PAX7: variants seen among roughly 807,000 people sequenced by gnomAD.
PAX7 encodes paired box protein Pax-7.
In PAX7, 18 loss-of-function variants were observed where a neutral mutation model predicts 50.7. The observed-to-expected ratio is 0.36, with a 90% CI of 0.25 to 0.53. The LOEUF (loss-of-function observed/expected upper bound fraction) is 0.53. PAX7 is among the 20% of genes least tolerant of loss of function. The pLI is 0.93. For synonymous variants in PAX7, 310 were observed against 290.4 expected (o/e 1.07, Z -0.69); for missense variants, 644 against 702.9 (o/e 0.92, Z 0.95).
At chr1:18,676,999 C>T (rs1415401616) in intron 4 of PAX7, among the ~76,000 whole-genome samples, 2 of 152,218 alleles carry the variant, frequency 1.3e-5, no homozygotes, top group Non-Finnish European at 2.9e-5. Flanking sequence ...CAAGCCCCCT[C>T]GTCTTTACAG....
At chr1:18,643,514 G>C (rs968939714) in intron 4 of PAX7, among the ~76,000 whole-genome samples, 2 of 152,242 alleles carry the variant, frequency 1.3e-5, no homozygotes, top group African/African-American at 4.8e-5. Flanking sequence ...GCGCCGAGCA[G>C]CAGGAAGAAA....
chr1:18,670,286 T>C (rs938773687), intron 4 of PAX7, among the ~76,000 whole-genome samples: 1 of 152,114 alleles, frequency 6.6e-6, no homozygotes, highest in African/African-American at 2.4e-5. Context: ...ATCCCAACTA[T>C]TGTAAAATCA....
intron 4 of PAX7, among the ~76,000 whole-genome samples, chr1:18,666,263 A>G (rs2088667937): frequency 6.6e-6 from 1 of 152,208 alleles, no homozygotes. Flanking sequence ...TAGAGGGGAA[A>G]AAAATAGCTC....
chr1:18,646,033 A>G (rs1328903657), intron 4 of PAX7, among the ~76,000 whole-genome samples: 2 of 152,228 alleles, frequency 1.3e-5, no homozygotes, highest in African/African-American at 4.8e-5. Flanking sequence ...GTAGAAAAAT[A>G]AAGTCCAATG....
intron 8 of PAX7, among the ~76,000 whole-genome samples, chr1:18,744,522 A>G (rs1214614413): frequency 2.0e-5 from 2 of 98,050 alleles, no homozygotes; most frequent in Admixed American, 2.0e-4. Context: ...TAAATGAATG[A>G]ATGGATGGAT....
rs145916568 is a variant in PAX7, at chr1:18,715,013, A to G, written c.1155+11717A>G. 7.0e-3 allele frequency among the ~76,000 whole-genome samples: 1,068 copies of G among 152,318 alleles called. 13 individuals are homozygous for G. The highest frequency in any genetic ancestry group is 0.024 in the African/African-American group (1,005 of 41,576). On this transcript the variant is annotated intron_variant, in intron 7 of 8. Transcript: ENST00000420770. ...TGTCCCTGGGGTCCCCTGCAGGAGG[A>G]AGGCCGCTGGGATGGTTGGGCAATC...
At chr1:18,722,700 C>T (rs917250057) in intron 7 of PAX7, among the ~76,000 whole-genome samples, 1 of 152,076 alleles carries the variant, frequency 6.6e-6, no homozygotes, top group Non-Finnish European at 1.5e-5. Flanking sequence ...AGCCCTAACT[C>T]GTGGGAACTT....
chr1:18,681,166 A>T (rs1317436196), intron 4 of PAX7, among the ~76,000 whole-genome samples: 2 of 2,892 alleles, frequency 6.9e-4, no homozygotes, highest in Non-Finnish European at 3.0e-3. Context: ...AAACTCCGTA[A>T]AAAAAAAAAA....
intron 4 of PAX7, among the ~76,000 whole-genome samples, chr1:18,664,423 C>T (rs948807813): frequency 2.0e-5 from 3 of 152,102 alleles, no homozygotes; most frequent in African/African-American, 7.2e-5. Context: ...GAGCTGGTGA[C>T]CTGGAAGAGG....
intron 7 of PAX7, among the ~76,000 whole-genome samples, chr1:18,725,312 C>T (rs944632429): frequency 4.4e-5 from 2 of 45,082 alleles, no homozygotes; most frequent in African/African-American, 1.1e-4. Context: ...GCCCCCCCCC[C>T]GCCCCACCAA....
At chr1:18,640,272 AGCTGCTAAT>A (rs1176502288) in intron 4 of PAX7, among the ~76,000 whole-genome samples, 1 of 152,216 alleles carries the variant, frequency 6.6e-6, no homozygotes, top group Non-Finnish European at 1.5e-5. Context: ...CAGCAGCGAT[AGCTGCTAAT>A]GCGGTTTTCG....
At chr1:18,633,179 C>T (rs1157041960) in intron 1 of PAX7, among the ~76,000 whole-genome samples, 1 of 152,068 alleles carries the variant, frequency 6.6e-6, no homozygotes, top group Non-Finnish European at 1.5e-5. Context: ...AGGGAGGGGG[C>T]GGTAGGAACG....
intron 7 of PAX7, 60 bp downstream of exon 7, chr1:18,703,356 A>T: frequency 6.8e-7 from 1 of 1,467,882 alleles, no homozygotes; most frequent in East Asian, 2.3e-5. Flanking sequence ...ACATCTGCAG[A>T]CAGCACGTGG....
chr1:18,650,194 T>C (rs1411669917), intron 4 of PAX7, among the ~76,000 whole-genome samples: 1 of 152,222 alleles, frequency 6.6e-6, no homozygotes, highest in Non-Finnish European at 1.5e-5. Flanking sequence ...GCTGTGGTTA[T>C]TGGTCTTCAG....
chr1:18,655,274 C>T (rs555439376), intron 4 of PAX7, among the ~76,000 whole-genome samples: 39 of 152,314 alleles, frequency 2.6e-4, no homozygotes, highest in African/African-American at 9.4e-4. Flanking sequence ...CCCATGACTA[C>T]AGAGCTTAGA....
chr1:18,692,018 C>T lies in PAX7; in HGVS notation c.786+65C>T, dbSNP rs2089078892. The T allele has an allele frequency of 6.0e-6, 9 of 1,503,210 alleles. No homozygotes were observed. The African/African-American group carries it at 1.1e-4, about 18-fold the overall frequency. The allele number at this position is 1,503,210 out of a possible 1,614,324, so 93.1% of individuals were successfully genotyped here. A position where few individuals can be genotyped will look rare whatever the true frequency, so the allele number is the denominator to read the frequency against. The stretch of plus-strand genomic sequence containing the variant: ...CCAGAGATTCAGAAGTTTGGGATGG[C>T]CAAGGTCAGTGGGTTTAATGGGACC... On this transcript the variant is annotated intron_variant, in intron 5 of 8. Coordinates refer to ENST00000420770, the MANE Select transcript of PAX7 (RefSeq NM_001135254.2).
chr1:18,720,801 G>A (rs1253740792), intron 7 of PAX7, among the ~76,000 whole-genome samples: 1 of 151,892 alleles, frequency 6.6e-6, no homozygotes, highest in South Asian at 2.1e-4. Flanking sequence ...AGAGCAATGC[G>A]GAGGCAGGGG....
rs745619831 is a variant in PAX7 at position 18,691,904 on chromosome 1, C to G, written c.737C>G (p.Thr246Ser). 1.2e-6 allele frequency: 2 copies of G among 1,614,022 alleles called. No homozygotes were observed. The highest frequency in any genetic ancestry group is 3.3e-5 in the Admixed American group (2 of 60,020). Residue 246 changes from threonine (T) to serine (S), a missense_variant, in exon 5 of 9, where the codon ACC becomes AGC. Transcript: ENST00000420770. The stretch of plus-strand genomic sequence containing the variant: ...AGGACCCACTACCCAGACATATACA[C>G]CCGCGAGGAGCTGGCGCAGAGGACC... ...FERTHYPDIY[T>S]REELAQRTKL...
chr1:18,678,377 C>G (rs1020992787), intron 4 of PAX7, among the ~76,000 whole-genome samples: 1 of 151,704 alleles, frequency 6.6e-6, no homozygotes, highest in African/African-American at 2.4e-5. Flanking sequence ...CCAGCTTGGA[C>G]AACAAGAGCA....
Sources: gnomAD v4.1 joint callset for allele counts (sites outside exome capture counted in the v4.1 genomes callset) on GRCh38, gnomAD v4.1.1 for gene constraint, MANE v1.5 for transcripts, NCBI Gene and HGNC (gene_info 2026-07-23, HGNC 2026-07-21) for gene names.